CSMD3: variants seen among roughly 807,000 people sequenced by gnomAD.
CSMD3 encodes the protein CUB and Sushi multiple domains 3, also known as CUB and sushi domain-containing protein 3.
Under a neutral mutation model 435.2 loss-of-function variants are expected in CSMD3, and 177 were observed. That is an observed-to-expected ratio of 0.41 (90% CI 0.36 to 0.46). CSMD3 has a LOEUF of 0.46. CSMD3 is among the 20% of genes least tolerant of loss of function. The pLI is 0.34. For synonymous variants in CSMD3, 1,656 were observed against 1,520.5 expected, an observed-to-expected ratio of 1.09 and a Z score of -2.07; for missense variants, 4,265 against 4,504.6, an observed-to-expected ratio of 0.95 and a Z score of 1.52.
chr8:112,365,468 CTTTTTTT>C (rs546920182), intron 38 of CSMD3, among the ~76,000 whole-genome samples: 58 of 112,648 alleles, frequency 5.1e-4, no homozygotes, highest in Admixed American at 7.8e-4. Flanking sequence ...CATAGATTTC[CTTTTTTT>C]TTTTTTTTTT....
intron 5 of CSMD3, among the ~76,000 whole-genome samples, chr8:113,073,293 T>C (rs557714091): frequency 2.6e-5 from 4 of 151,994 alleles, no homozygotes; most frequent in Admixed American, 6.6e-5. Context: ...GACTTTTTTT[T>C]CCGACTATCT....
In CSMD3 at chr8:112,352,544, T is replaced by A. The variant is rs2131064229; in HGVS notation, c.6137-10A>T. The A allele has an allele frequency of 1.2e-6, 2 of 1,601,322 alleles. No homozygotes were observed. Among genetic ancestry groups the A allele is most frequent in the Non-Finnish European group, 8.6e-7 (1 of 1,169,034 alleles). ...GAATCCAAACCAATTGCTAAGAATA[T>A]TTAATGATAACAATTTAAGTAACTT... On this transcript the variant is annotated splice_polypyrimidine_tract_variant and intron_variant, in intron 38 of 70. Coordinates refer to ENST00000297405, the MANE Select transcript of CSMD3 (RefSeq NM_198123.2).
intron 3 of CSMD3, among the ~76,000 whole-genome samples, chr8:113,199,637 G>T (rs1413232051): frequency 6.6e-6 from 1 of 151,554 alleles, no homozygotes; most frequent in Non-Finnish European, 1.5e-5. Context: ...TTTCATGGAG[G>T]ATGGGAAAAT....
intron 13 of CSMD3, among the ~76,000 whole-genome samples, chr8:112,756,777 T>A (rs571357427): frequency 6.6e-6 from 1 of 151,622 alleles, no homozygotes; most frequent in South Asian, 2.1e-4. Flanking sequence ...TAATTTTTTT[T>A]TTTTTTTTGA....
At chr8:112,623,418 C>A (rs1834230915) in intron 22 of CSMD3, among the ~76,000 whole-genome samples, 1 of 152,202 alleles carries the variant, frequency 6.6e-6, no homozygotes, top group South Asian at 2.1e-4. Context: ...CTACATTATG[C>A]ATTTTATTCC....
At chr8:112,487,956 C>T (rs2130828797) in intron 31 of CSMD3, among the ~76,000 whole-genome samples, 1 of 152,106 alleles carries the variant, frequency 6.6e-6, no homozygotes, top group Non-Finnish European at 1.5e-5. Flanking sequence ...GAAAAATAAA[C>T]AGGGAAGAAA....
chr8:112,713,874 T>C lies in CSMD3; in HGVS notation c.1973-23824A>G, dbSNP rs2076666284. On this transcript the variant is annotated intron_variant, in intron 13 of 70. Transcript: ENST00000297405. ...ACCTCCATCTCAGACAAGCAAAGGC[T>C]GAGAGATTTTGTCACCACCAGGCCT... is the stretch of plus-strand genomic sequence containing the variant. Among the ~76,000 whole-genome samples, 11 of 152,130 alleles carry C rather than the reference T, an allele frequency of 7.2e-5. 1 individual carries two copies. Among genetic ancestry groups the C allele is most frequent in the Admixed American group, 6.6e-4 (10 of 15,264 alleles).
chr8:113,341,895 T>G (rs1303520779), intron 1 of CSMD3, among the ~76,000 whole-genome samples: 1 of 152,098 alleles, frequency 6.6e-6, no homozygotes, highest in South Asian at 2.1e-4. Flanking sequence ...CCTTTGCTTC[T>G]TGATGGTGAA....
chr8:112,468,862 T>C (rs1818237846), intron 32 of CSMD3, among the ~76,000 whole-genome samples: 1 of 152,006 alleles, frequency 6.6e-6, no homozygotes, highest in Admixed American at 6.6e-5. Flanking sequence ...AACTGTTATT[T>C]TTCTGAGAGT....
At chr8:112,656,418 T>C in intron 17 of CSMD3, 77 bp from the exon 18 acceptor site, 1 of 1,057,918 alleles carries the variant, frequency 9.5e-7, no homozygotes, top group Non-Finnish European at 1.4e-6. Flanking sequence ...GACTGCTATT[T>C]AAATTCCTAT....
intron 24 of CSMD3, among the ~76,000 whole-genome samples, chr8:112,560,189 A>C (rs1828493939): frequency 6.6e-6 from 1 of 151,810 alleles, no homozygotes; most frequent in African/African-American, 2.4e-5. Flanking sequence ...TATTTCTGTG[A>C]GTTGAGATAA....
At chr8:112,781,905 G>A (rs937890270) in intron 13 of CSMD3, among the ~76,000 whole-genome samples, 1 of 152,146 alleles carries the variant, frequency 6.6e-6, no homozygotes, top group African/African-American at 2.4e-5. Context: ...TATGGCAGTA[G>A]TCACAAAATA....
intron 38 of CSMD3, among the ~76,000 whole-genome samples, chr8:112,353,289 C>A (rs1826303822): frequency 6.6e-6 from 1 of 151,938 alleles, no homozygotes; most frequent in African/African-American, 2.4e-5. Context: ...ACTTGGGAGG[C>A]TAAGGCAGGA....
At chr8:112,992,412 TAGAAGGCCCTG>T (rs2085489476) in intron 6 of CSMD3, among the ~76,000 whole-genome samples, 1 of 151,694 alleles carries the variant, frequency 6.6e-6, no homozygotes, top group African/African-American at 2.4e-5. Flanking sequence ...AAGACATAAA[TAGAAGGCCCTG>T]ATTGTGAATA....
chr8:112,401,510 G>C (rs1455445277), intron 35 of CSMD3, among the ~76,000 whole-genome samples: 1 of 151,688 alleles, frequency 6.6e-6, no homozygotes, highest in African/African-American at 2.4e-5. Context: ...CATAAACATT[G>C]GTTAAATATA....
chr8:112,240,615 A>T (rs1030415899), intron 66 of CSMD3, among the ~76,000 whole-genome samples: 1 of 152,090 alleles, frequency 6.6e-6, no homozygotes, highest in Admixed American at 6.6e-5. Context: ...TCTGTTTCCA[A>T]GGTGAAGATC....
chr8:113,240,473 G>A (rs370793395), intron 3 of CSMD3, among the ~76,000 whole-genome samples: 8 of 152,164 alleles, frequency 5.3e-5, no homozygotes, highest in Middle Eastern at 3.4e-3. Flanking sequence ...CACTCCTACC[G>A]AAAGTATGTA....
chr8:113,153,101 A>AAAGAAAGAAAG (rs35085690), intron 4 of CSMD3, among the ~76,000 whole-genome samples: 5,781 of 99,700 alleles, frequency 0.058, 320 homozygotes, highest in East Asian at 0.1. Context: ...AGAAAGAAAG[A>AAAGAAAGAAAG]AAAGAAAGAA....
intron 12 of CSMD3, among the ~76,000 whole-genome samples, chr8:112,805,521 T>C (rs1228845672): frequency 4.6e-5 from 7 of 152,182 alleles, no homozygotes; most frequent in African/African-American, 1.7e-4. Context: ...CACCCTGTAA[T>C]ATTAATACTG....
Sources: allele counts gnomAD v4.1 joint callset (sites outside exome capture counted in the v4.1 genomes callset), GRCh38; gene constraint gnomAD v4.1.1; transcripts MANE v1.5; gene names NCBI Gene and HGNC (gene_info 2026-07-23, HGNC 2026-07-21).